Variants in CD44 observed in about 807,000 individuals in gnomAD.
The protein encoded by CD44 is CD44 molecule (IN blood group).
Under a neutral mutation model 88.8 loss-of-function variants are expected in CD44, and 49 were observed. That is an observed-to-expected ratio of 0.55 (90% CI 0.44 to 0.70). The LOEUF (loss-of-function observed/expected upper bound fraction) is 0.70. Among genes scored for constraint, CD44 ranks in the 30% least tolerant of loss-of-function variants. CD44 has a pLI of 0.00. For synonymous variants in CD44, 325 were observed against 312.3 expected (o/e 1.04, Z -0.43); for missense variants, 883 against 913.8 (o/e 0.97, Z 0.43).
At chr11:35,151,610 G>A (rs989507672) in intron 1 of CD44, among the ~76,000 whole-genome samples, 8 of 152,196 alleles carry the variant, frequency 5.3e-5, no homozygotes, top group Admixed American at 2.0e-4. Context: ...CATTAGTGAT[G>A]TCTGCTATGG....
chr11:35,157,564 C>T (rs1238345750), intron 1 of CD44, among the ~76,000 whole-genome samples: 1 of 152,022 alleles, frequency 6.6e-6, no homozygotes, highest in Non-Finnish European at 1.5e-5. Context: ...CTATCTGTTT[C>T]TATTGGAATA....
intron 3 of CD44, among the ~76,000 whole-genome samples, chr11:35,181,914 T>TATAATATAATATATAA (rs1400104217): frequency 1.5e-5 from 1 of 67,742 alleles, no homozygotes; most frequent in African/African-American, 8.7e-5. Context: ...ATAATATATA[T>TATAATATAATATATAA]TATATATTAT....
chr11:35,185,845 GCTT>G (rs2133828673), intron 3 of CD44, among the ~76,000 whole-genome samples: 1 of 152,314 alleles, frequency 6.6e-6, no homozygotes, highest in Admixed American at 6.5e-5. Flanking sequence ...ATAGAAGGTT[GCTT>G]CAGCTACACT....
At chr11:35,157,228 A>C (rs1941984653) in intron 1 of CD44, among the ~76,000 whole-genome samples, 1 of 152,060 alleles carries the variant, frequency 6.6e-6, no homozygotes, top group South Asian at 2.1e-4. Context: ...TTTTGATGGG[A>C]TTGTGACTTA....
chr11:35,223,096 C>A (rs11033031), intron 17 of CD44: 124,542 of 984,824 alleles, frequency 0.13, 8,192 homozygotes, highest in Admixed American at 0.17. Context: ...GCTATCTATA[C>A]CATTGAGGGC....
rs1342462328 is a variant in CD44 at position 35,204,580 on chromosome 11, T to C, written c.1222T>C (p.Trp408Arg). ...GAAGGAACAGTGGTTTGGCAACAGA[T>C]GGCATGAGGGATATCGCCAAACACC... Reference protein sequence around the residue: ...TQKEQWFGNRWHEGYRQTPKE... With the variant: ...TQKEQWFGNRRHEGYRQTPKE... Residue 408 changes from tryptophan (W) to arginine (R), a missense_variant, in exon 10 of 18, where the codon TGG (tryptophan) becomes CGG (arginine). By Grantham distance (101) the Trp-to-Arg change is moderately radical. This residue lies in a region of CD44 where 631 missense variants were observed against 590.9 expected (regional missense o/e 1.07). Coordinates refer to ENST00000428726, the MANE Select transcript of CD44 (RefSeq NM_000610.4). The C allele has an allele frequency of 1.9e-6, 3 of 1,613,134 alleles. No individual in the cohort carries two copies. The highest frequency in any genetic ancestry group is 1.1e-5 in the South Asian group (1 of 91,058).
chr11:35,157,273 A>G (rs191740192), intron 1 of CD44, among the ~76,000 whole-genome samples: 6 of 152,206 alleles, frequency 3.9e-5, no homozygotes, highest in African/African-American at 1.4e-4. Flanking sequence ...TCCAAACTCA[A>G]CTTCTTAAAA....
intron 17 of CD44, among the ~76,000 whole-genome samples, chr11:35,227,455 G>C (rs973290494): frequency 1.3e-5 from 2 of 152,144 alleles, no homozygotes; most frequent in Admixed American, 1.3e-4. Flanking sequence ...CAAAGTGCTG[G>C]GATTACAGGA....
chr11:35,226,560 G>A (rs1169354495), intron 17 of CD44, among the ~76,000 whole-genome samples: 5 of 152,114 alleles, frequency 3.3e-5, no homozygotes, highest in African/African-American at 1.2e-4. Context: ...ATTATAGATA[G>A]CACTTGAAAG....
intron 5 of CD44, among the ~76,000 whole-genome samples, chr11:35,191,880 G>T (rs186847260): frequency 4.2e-4 from 64 of 152,294 alleles, no homozygotes; most frequent in African/African-American, 1.5e-3. Context: ...CTATTAGAAT[G>T]CTTGGGATCG....
chr11:35,183,349 A>AG (rs1242013272), intron 3 of CD44, among the ~76,000 whole-genome samples: 1 of 151,934 alleles, frequency 6.6e-6, no homozygotes, highest in Non-Finnish European at 1.5e-5. Context: ...AAAAAAAAAA[A>AG]AAGAAAGAAA....
chr11:35,139,842 A>C (rs1306599103), intron 1 of CD44, among the ~76,000 whole-genome samples: 1 of 152,230 alleles, frequency 6.6e-6, no homozygotes, highest in Non-Finnish European at 1.5e-5. Flanking sequence ...TCACAATTCC[A>C]AGTGTGAGAC....
chr11:35,224,360 T>C (rs10128586), intron 17 of CD44, among the ~76,000 whole-genome samples: 30,169 of 152,122 alleles, frequency 0.2, 3,155 homozygotes, highest in African/African-American at 0.27. Flanking sequence ...TTTATTCCCT[T>C]TTCATGAGAG....
In CD44 at chr11:35,186,906, T is replaced by A; in HGVS notation, c.436+6T>A. 1 of 1,537,936 alleles carries A rather than the reference T, an allele frequency of 6.5e-7. No homozygotes were observed. Among genetic ancestry groups the A allele is most frequent in the Non-Finnish European group, 9.0e-7 (1 of 1,110,618 alleles). On this transcript the variant is annotated splice_donor_region_variant and intron_variant, in intron 4 of 17. Coordinates refer to ENST00000428726, the MANE Select transcript of CD44 (RefSeq NM_000610.4). Reference sequence around the variant, plus strand: ...TGATGGACCAATTACCATAAGTATGTCTCTCTTCTAATCTTAATTAAATTT... The same window carrying A: ...TGATGGACCAATTACCATAAGTATGACTCTCTTCTAATCTTAATTAAATTT...
In CD44 at chr11:35,167,568, C is replaced by T. The variant is rs184240575; in HGVS notation, c.68-9007C>T. Among the ~76,000 whole-genome samples the T allele has an allele frequency of 2.0e-3, 304 of 152,246 alleles. 1 individual carries two copies. The highest frequency in any genetic ancestry group is 6.9e-3 in the African/African-American group (285 of 41,546). On this transcript the variant is annotated intron_variant, in intron 1 of 17. Transcript: ENST00000428726. ...TCAGAGGACAGAAATAGAATCCTGG[C>T]TTTTTAATGATAAACACTGTAAAAA...
intron 17 of CD44, chr11:35,223,087 C>G (rs1949434813): frequency 1.0e-6 from 1 of 984,954 alleles, no homozygotes; most frequent in Non-Finnish European, 1.2e-6. Flanking sequence ...AGCTATGTTG[C>G]TATCTATACC....
intron 1 of CD44, among the ~76,000 whole-genome samples, chr11:35,162,503 G>T (rs995439906): frequency 6.6e-6 from 1 of 152,218 alleles, no homozygotes; most frequent in Admixed American, 6.5e-5. Context: ...GCTAAGCATG[G>T]AATGGTAAAG....
At chr11:35,151,030 G>A (rs1298744085) in intron 1 of CD44, among the ~76,000 whole-genome samples, 1 of 152,218 alleles carries the variant, frequency 6.6e-6, no homozygotes, top group Non-Finnish European at 1.5e-5. Flanking sequence ...CCAAGTGTCA[G>A]AAGACAGGAA....
chr11:35,148,712 A>T (rs1859701522), intron 1 of CD44, among the ~76,000 whole-genome samples: 1 of 152,244 alleles, frequency 6.6e-6, no homozygotes, highest in South Asian at 2.1e-4. Context: ...CATATTCATG[A>T]TAGCCCTGAG....
Sources: allele counts gnomAD v4.1 joint callset (sites outside exome capture counted in the v4.1 genomes callset), GRCh38; gene constraint gnomAD v4.1.1; regional missense constraint gnomAD v4.1.1; transcripts MANE v1.5; gene names NCBI Gene and HGNC (gene_info 2026-07-23, HGNC 2026-07-21).